Variants in APLF observed in about 807,000 individuals in gnomAD.
The protein encoded by APLF is aprataxin and PNK-like factor.
Under a neutral mutation model 55.6 loss-of-function variants are expected in APLF, and 61 were observed. The observed-to-expected ratio is 1.10, with a 90% CI of 0.89 to 1.36. The LOEUF (loss-of-function observed/expected upper bound fraction) is 1.36. Among genes scored for constraint, APLF ranks in the 40% most tolerant of loss-of-function variants. The pLI, the probability that APLF is intolerant of heterozygous loss-of-function variation, is 0.00. For synonymous variants in APLF, 207 were observed against 214.8 expected, an observed-to-expected ratio of 0.96 and a Z score of 0.32; for missense variants, 611 against 602.5, an observed-to-expected ratio of 1.01 and a Z score of -0.15.
chr2:68,545,778 G>A (rs866189314), intron 8 of APLF, among the ~76,000 whole-genome samples: 1 of 152,108 alleles, frequency 6.6e-6, no homozygotes, highest in African/African-American at 2.4e-5. Context: ...GTCCTTGTCC[G>A]TATCATGCAC....
At chr2:68,519,551 C>T (rs747038384) in intron 5 of APLF, among the ~76,000 whole-genome samples, 2 of 149,932 alleles carry the variant, frequency 1.3e-5, no homozygotes, top group Non-Finnish European at 3.0e-5. Context: ...AATTATTCTA[C>T]TGAGGGAAAG....
chr2:68,525,070 G>C (rs1389186646), intron 5 of APLF, among the ~76,000 whole-genome samples: 2 of 152,110 alleles, frequency 1.3e-5, no homozygotes, highest in Non-Finnish European at 2.9e-5. Context: ...GAGACAGGCG[G>C]ATCACCTGAG....
Position 68,579,409 on chromosome 2 carries a change from T to C in APLF, c.*1387T>C, listed in dbSNP as rs1192762662. 2 of 976,530 alleles carry C rather than the reference T, an allele frequency of 2.0e-6. No homozygotes were observed. The highest frequency in any genetic ancestry group is 2.4e-6 in the Non-Finnish European group (2 of 821,948). The allele number at this position is 976,530 out of a possible 1,614,324, so 60.5% of individuals were successfully genotyped here. ...CTTATTCTCATCCCTGCCACTAACT[T>C]AATCCTTGAAGTGTTACATAATCTA... On this transcript the variant is annotated 3_prime_UTR_variant, in exon 10 of 10. Coordinates refer to ENST00000303795, the MANE Select transcript of APLF (RefSeq NM_173545.3).
At chr2:68,510,484 C>A (rs568356617) in intron 3 of APLF, among the ~76,000 whole-genome samples, 2 of 151,902 alleles carry the variant, frequency 1.3e-5, no homozygotes, top group Admixed American at 1.3e-4. Flanking sequence ...TGAGATACCA[C>A]TTTACATCTA....
intron 6 of APLF, among the ~76,000 whole-genome samples, chr2:68,530,014 G>A (rs1263705230): frequency 2.6e-5 from 4 of 152,204 alleles, no homozygotes; most frequent in African/African-American, 9.7e-5. Flanking sequence ...GCCTCGCTCC[G>A]CAGGTTTCCA....
intron 9 of APLF, among the ~76,000 whole-genome samples, chr2:68,573,915 T>C (rs1558558209): frequency 6.6e-6 from 1 of 152,054 alleles, no homozygotes; most frequent in Non-Finnish European, 1.5e-5. Flanking sequence ...TTAACAGCTT[T>C]ACAATAAAAA....
At chr2:68,539,592 A>G (rs2104007811) in intron 7 of APLF, among the ~76,000 whole-genome samples, 1 of 152,330 alleles carries the variant, frequency 6.6e-6, no homozygotes, top group South Asian at 2.1e-4. Flanking sequence ...GGGCTTCAAC[A>G]TATGAATTTT....
chr2:68,481,777 A>G (rs532347643), intron 1 of APLF, among the ~76,000 whole-genome samples: 12 of 152,110 alleles, frequency 7.9e-5, no homozygotes, highest in African/African-American at 1.7e-4. Flanking sequence ...CATAAATTCA[A>G]TCGGTTTTCT....
chr2:68,506,801 C>T (rs1676883949), intron 3 of APLF, among the ~76,000 whole-genome samples: 1 of 151,804 alleles, frequency 6.6e-6, no homozygotes. Context: ...TGGTGTAGTC[C>T]TATAACTATA....
At chr2:68,493,468 GATATAAAAAGC>G in intron 2 of APLF, among the ~76,000 whole-genome samples, 1 of 152,050 alleles carries the variant, frequency 6.6e-6, no homozygotes, top group South Asian at 2.1e-4. Flanking sequence ...TTTTAAACAG[GATATAAAAAGC>G]ATGAACCATA....
chr2:68,497,414 C>T (rs1213559076), intron 2 of APLF, among the ~76,000 whole-genome samples: 3 of 151,864 alleles, frequency 2.0e-5, no homozygotes, highest in Non-Finnish European at 4.4e-5. Flanking sequence ...CTCACGACAT[C>T]TGGTTGTTTA....
chr2:68,512,989 T>C (rs1034741692), intron 3 of APLF, 91 bp from the exon 4 acceptor site: 22 of 1,239,146 alleles, frequency 1.8e-5, no homozygotes, highest in Non-Finnish European at 2.5e-5. Flanking sequence ...TTGCTAAGTC[T>C]GAGTAAAGGG....
intron 1 of APLF, among the ~76,000 whole-genome samples, chr2:68,473,418 G>C (rs114373267): frequency 0.012 from 1,821 of 152,168 alleles, 46 homozygotes; most frequent in African/African-American, 0.042. Flanking sequence ...GGTCATCTTG[G>C]TTGCTTTCAA....
At chr2:68,478,516 A>T (rs1372866460) in intron 1 of APLF, among the ~76,000 whole-genome samples, 1 of 152,256 alleles carries the variant, frequency 6.6e-6, no homozygotes, top group Non-Finnish European at 1.5e-5. Context: ...AAAGATCTAA[A>T]GCTCGAGAAT....
At chr2:68,513,901 A>T (rs542681292) in intron 5 of APLF, among the ~76,000 whole-genome samples, 1 of 151,810 alleles carries the variant, frequency 6.6e-6, no homozygotes, top group East Asian at 1.9e-4. Context: ...TTTTCATTTA[A>T]CAAGTGCTAT....
intron 1 of APLF, among the ~76,000 whole-genome samples, chr2:68,478,822 T>C (rs1675864009): frequency 6.6e-6 from 1 of 152,204 alleles, no homozygotes; most frequent in South Asian, 2.1e-4. Context: ...TTTGTGCAAA[T>C]GCAGTTGGGT....
At chr2:68,492,274 C>G (rs529944700) in intron 2 of APLF, among the ~76,000 whole-genome samples, 7 of 151,968 alleles carry the variant, frequency 4.6e-5, no homozygotes, top group Non-Finnish European at 8.8e-5. Flanking sequence ...GTCAGGAGAT[C>G]GAGACCATCC....
intron 9 of APLF, among the ~76,000 whole-genome samples, chr2:68,573,201 A>G (rs1671532712): frequency 6.6e-6 from 1 of 152,212 alleles, no homozygotes; most frequent in African/African-American, 2.4e-5. Flanking sequence ...TTTACAAACC[A>G]GTGACAGCTT....
chr2:68,484,679 G>A lies in APLF; in HGVS notation c.97-5511G>A, dbSNP rs536098420. Among the ~76,000 whole-genome samples the A allele has an allele frequency of 4.6e-3, 676 of 145,676 alleles. 12 individuals carry two copies. The highest frequency in any genetic ancestry group is 0.017 in the African/African-American group (642 of 37,964). ...TGCACTGCAGCCTGGGCAGCAGAGCGAAGCTTAGTCTGAAAAAAAAAAAAA... is the reference window on the plus strand; with the variant it reads ...TGCACTGCAGCCTGGGCAGCAGAGCAAAGCTTAGTCTGAAAAAAAAAAAAA... On this transcript the variant is annotated intron_variant, in intron 1 of 9. Transcript: ENST00000303795.
Sources: allele counts gnomAD v4.1 joint callset (sites outside exome capture counted in the v4.1 genomes callset), GRCh38; gene constraint gnomAD v4.1.1; transcripts MANE v1.5; gene names NCBI Gene and HGNC (gene_info 2026-07-23, HGNC 2026-07-21).